Variants in ZFPM2 observed in about 807,000 individuals in gnomAD.
The protein encoded by ZFPM2 is zinc finger protein ZFPM2.
Under a neutral mutation model 98.6 loss-of-function variants are expected in ZFPM2, and 20 were observed. That is an observed-to-expected ratio of 0.20 (90% CI 0.14 to 0.29). The LOEUF is 0.29. Among genes scored for constraint, ZFPM2 ranks in the 10% least tolerant of loss-of-function variants. The pLI, the probability that ZFPM2 is intolerant of heterozygous loss-of-function variation, is 1.00. For missense variants in ZFPM2, 1,310 were observed against 1,388.6 expected (o/e 0.94, Z 0.90); for synonymous variants, 518 against 502.7 (o/e 1.03, Z -0.41).
chr8:105,507,547 A>G (rs1044879471), intron 3 of ZFPM2, among the ~76,000 whole-genome samples: 1 of 152,244 alleles, frequency 6.6e-6, no homozygotes, highest in African/African-American at 2.4e-5. Flanking sequence ...TGTGAAATTC[A>G]AATGTGAAAA....
At chr8:105,667,769 C>T (rs918492420) in intron 5 of ZFPM2, among the ~76,000 whole-genome samples, 31 of 152,080 alleles carry the variant, frequency 2.0e-4, no homozygotes, top group African/African-American at 6.5e-4. Context: ...TGCCAATTCT[C>T]ACTTTTTTTG....
At chr8:105,687,821 G>T (rs1403818319) in intron 5 of ZFPM2, among the ~76,000 whole-genome samples, 3 of 151,936 alleles carry the variant, frequency 2.0e-5, no homozygotes, top group Non-Finnish European at 2.9e-5. Context: ...GGCATGGGAG[G>T]ATCAATCAAG....
In ZFPM2 at chr8:105,405,418, T is replaced by C. The variant is rs894911728; in HGVS notation, c.41-13726T>C. ...TAGCATTAGATGTATCTCCTAATGC[T>C]ATCCCTCCCCCCTCCCCCACCCCAC... On this transcript the variant is annotated intron_variant, in intron 1 of 7. Coordinates refer to ENST00000407775, the MANE Select transcript of ZFPM2 (RefSeq NM_012082.4). Among the ~76,000 whole-genome samples, 8 of 150,586 alleles carry C rather than the reference T, an allele frequency of 5.3e-5. No homozygotes were observed. In the East Asian group the frequency reaches 1.4e-3, roughly 26 times the overall value.
chr8:105,500,835 A>T (rs1813576995), intron 3 of ZFPM2, among the ~76,000 whole-genome samples: 1 of 152,174 alleles, frequency 6.6e-6, no homozygotes. Flanking sequence ...AAGAATCCTG[A>T]TTCAGACGAA....
At chr8:105,504,192 A>G (rs576474901) in intron 3 of ZFPM2, among the ~76,000 whole-genome samples, 2 of 152,272 alleles carry the variant, frequency 1.3e-5, no homozygotes, top group South Asian at 2.1e-4. Flanking sequence ...TTAATTGCAT[A>G]CAGGAAGACA....
At chr8:105,788,622 G>C in intron 5 of ZFPM2, 96 bp from the exon 6 acceptor site, 2 of 1,237,824 alleles carry the variant, frequency 1.6e-6, no homozygotes, top group South Asian at 2.6e-5. Flanking sequence ...AAACCAGTGT[G>C]AAAAACATGA....
At chr8:105,758,348 GA>G (rs1224012542) in intron 5 of ZFPM2, among the ~76,000 whole-genome samples, 1 of 152,048 alleles carries the variant, frequency 6.6e-6, no homozygotes, top group African/African-American at 2.4e-5. Context: ...CTTGACAGTT[GA>G]AAATCTCTCC....
chr8:105,378,722 T>C lies in ZFPM2; in HGVS notation c.41-40422T>C, dbSNP rs149130088. ...GGGAGGTTTTATTTGATATACCGTGTATGTTTTTAGGTTTAGAGAGGATGG... is the reference window on the plus strand; with the variant it reads ...GGGAGGTTTTATTTGATATACCGTGCATGTTTTTAGGTTTAGAGAGGATGG... On this transcript the variant is annotated intron_variant, in intron 1 of 7. Coordinates refer to ENST00000407775, the MANE Select transcript of ZFPM2 (RefSeq NM_012082.4). 4.1e-4 allele frequency among the ~76,000 whole-genome samples: 62 copies of C among 152,326 alleles called. No homozygotes were observed. The East Asian group carries it at 0.011, about 28-fold the overall frequency.
At chr8:105,722,110 G>T (rs1811682490) in intron 5 of ZFPM2, among the ~76,000 whole-genome samples, 1 of 151,288 alleles carries the variant, frequency 6.6e-6, no homozygotes, top group Non-Finnish European at 1.5e-5. Flanking sequence ...TTATATATAT[G>T]GCTAATATTA....
At chr8:105,619,810 C>T (rs1007722651) in intron 4 of ZFPM2, among the ~76,000 whole-genome samples, 3 of 151,962 alleles carry the variant, frequency 2.0e-5, no homozygotes, top group African/African-American at 4.8e-5. Flanking sequence ...CAATAGTTTC[C>T]TGAGAGTGGT....
At chr8:105,766,620 G>A (rs951948916) in intron 5 of ZFPM2, among the ~76,000 whole-genome samples, 5 of 151,876 alleles carry the variant, frequency 3.3e-5, no homozygotes, top group African/African-American at 1.2e-4. Context: ...TTTGAAAGAT[G>A]TTTTGGATGT....
chr8:105,358,255 ATT>A (rs71577973), intron 1 of ZFPM2, among the ~76,000 whole-genome samples: 7 of 142,916 alleles, frequency 4.9e-5, no homozygotes, highest in African/African-American at 1.5e-4. Flanking sequence ...CCCAAGATTC[ATT>A]TTTTTTTTTT....
intron 5 of ZFPM2, among the ~76,000 whole-genome samples, chr8:105,659,557 A>G (rs368935023): frequency 1.3e-5 from 2 of 152,242 alleles, no homozygotes; most frequent in Non-Finnish European, 2.9e-5. Context: ...TAAAACAAAC[A>G]TAATTACAGA....
intron 1 of ZFPM2, among the ~76,000 whole-genome samples, chr8:105,395,368 GT>G (rs1466071978): frequency 1.3e-5 from 2 of 152,060 alleles, no homozygotes; most frequent in Non-Finnish European, 2.9e-5. Context: ...TTATATTCTT[GT>G]AAATAAGAAG....
intron 5 of ZFPM2, among the ~76,000 whole-genome samples, chr8:105,646,561 C>G (rs1411987370): frequency 6.6e-6 from 1 of 152,078 alleles, no homozygotes; most frequent in African/African-American, 2.4e-5. Flanking sequence ...TTTTATTTCT[C>G]AATACTAAAG....
chr8:105,421,035 CAAAG>C (rs1425744147), intron 2 of ZFPM2, among the ~76,000 whole-genome samples: 4 of 151,882 alleles, frequency 2.6e-5, no homozygotes, highest in African/African-American at 9.7e-5. Flanking sequence ...ATTAAACTTT[CAAAG>C]AAAGTTTTAA....
chr8:105,567,006 A>T (rs1255196131), intron 4 of ZFPM2, among the ~76,000 whole-genome samples: 1 of 152,186 alleles, frequency 6.6e-6, no homozygotes, highest in African/African-American at 2.4e-5. Flanking sequence ...GCATCTTAAA[A>T]GTTTTAAGAT....
chr8:105,724,253 A>G (rs1811752087), intron 5 of ZFPM2, among the ~76,000 whole-genome samples: 1 of 151,886 alleles, frequency 6.6e-6, no homozygotes, highest in South Asian at 2.1e-4. Flanking sequence ...CAAGAGCTTC[A>G]TGAATTTCCT....
At chr8:105,597,260 T>G (rs1276586964) in intron 4 of ZFPM2, among the ~76,000 whole-genome samples, 4 of 152,172 alleles carry the variant, frequency 2.6e-5, no homozygotes, top group Non-Finnish European at 5.9e-5. Flanking sequence ...TTTAAAATGC[T>G]ATTTCATTTT....
Sources: gnomAD v4.1 joint callset for allele counts (sites outside exome capture counted in the v4.1 genomes callset) on GRCh38, gnomAD v4.1.1 for gene constraint, MANE v1.5 for transcripts, NCBI Gene and HGNC (gene_info 2026-07-23, HGNC 2026-07-21) for gene names.